Variants in RPRD1B observed in about 807,000 individuals in gnomAD.
The protein encoded by RPRD1B is regulation of nuclear pre-mRNA domain containing 1B.
Under a neutral mutation model 41.5 loss-of-function variants are expected in RPRD1B, and 11 were observed. The ratio of observed to expected loss-of-function variants is 0.27; its 90% CI spans 0.17 to 0.44. The LOEUF (loss-of-function observed/expected upper bound fraction) is 0.44, where lower values mean the gene tolerates loss of function less well. Among genes scored for constraint, RPRD1B ranks in the 20% least tolerant of loss-of-function variants. The probability of loss-of-function intolerance (pLI) is 1.00; values close to 1 mark genes in which losing one functional copy is unlikely to be tolerated. For synonymous variants in RPRD1B, 158 were observed against 155.6 expected (o/e 1.02, Z -0.12); for missense variants, 248 against 389.9 (o/e 0.64, Z 3.06).
intron 6 of RPRD1B, among the ~76,000 whole-genome samples, chr20:38,081,773 T>C (rs538752096): frequency 5.9e-5 from 9 of 152,338 alleles, no homozygotes; most frequent in African/African-American, 2.2e-4. Flanking sequence ...GGATGTTGAA[T>C]TGTATCGAAA....
At chr20:38,068,099 A>G (rs1366300669) in intron 6 of RPRD1B, among the ~76,000 whole-genome samples, 2 of 152,192 alleles carry the variant, frequency 1.3e-5, no homozygotes, top group Non-Finnish European at 2.9e-5. Flanking sequence ...TTGTAGAACT[A>G]GTGGTTTGCT....
At chr20:38,080,124 A>T (rs2074499893) in intron 6 of RPRD1B, among the ~76,000 whole-genome samples, 1 of 152,116 alleles carries the variant, frequency 6.6e-6, no homozygotes, top group Middle Eastern at 3.2e-3. Flanking sequence ...TAGGCCTTTG[A>T]TGGTGGCATA....
intron 6 of RPRD1B, 118 bp downstream of exon 6, chr20:38,066,374 G>A (rs913662070): frequency 6.2e-6 from 6 of 975,550 alleles, no homozygotes; most frequent in Non-Finnish European, 9.0e-6. Context: ...TTCATGATGT[G>A]AATTCTGAAC....
In RPRD1B at chr20:38,091,336, A is replaced by G. The variant is rs1421751696; in HGVS notation, c.*1461A>G. The G allele has an allele frequency of 2.0e-6, 2 of 985,578 alleles. No individual in the cohort carries two copies. The highest frequency in any genetic ancestry group is 2.4e-6 in the Non-Finnish European group (2 of 829,900). 61.1% of individuals were successfully genotyped at this position (985,578 alleles called of 1,614,324 possible). On this transcript the variant is annotated 3_prime_UTR_variant, in exon 7 of 7. Coordinates refer to ENST00000373433, the MANE Select transcript of RPRD1B (RefSeq NM_021215.4). ...TGTTAAACACATTGAAACATAACCT[A>G]TGTTTATAAAGCATAACGGGCTTCC...
Position 38,040,490 on chromosome 20 carries a change from C to T in RPRD1B, c.207C>T (p.Asn69=). Residue 69 remains asparagine, a synonymous_variant, in exon 2 of 7, where the codon AAC becomes AAT. Transcript: ENST00000373433. The stretch of plus-strand genomic sequence containing the variant: ...ATTTAGCGAATGATGTCATCCAAAA[C>T]AGTAAAAGGAAAGGACCTGAATTCA... The part of the protein sequence containing the change: ...FLYLANDVIQ[N]SKRKGPEFTR... The T allele has an allele frequency of 1.9e-6, 3 of 1,609,868 alleles. No individual in the cohort carries two copies. In the South Asian group the frequency reaches 3.3e-5, roughly 18 times the overall value.
At chr20:38,074,491 A>G (rs1293412730) in intron 6 of RPRD1B, among the ~76,000 whole-genome samples, 1 of 152,248 alleles carries the variant, frequency 6.6e-6, no homozygotes, top group Non-Finnish European at 1.5e-5. Context: ...TGAAAAAGTG[A>G]CACGGTTTTA....
intron 3 of RPRD1B, among the ~76,000 whole-genome samples, chr20:38,054,910 A>G (rs2074224040): frequency 1.3e-5 from 2 of 152,240 alleles, no homozygotes; most frequent in Non-Finnish European, 2.9e-5. Context: ...TGGGTCATAT[A>G]GCACACATTA....
intron 3 of RPRD1B, 37 bp downstream of exon 3, chr20:38,048,518 T>A: frequency 6.4e-7 from 1 of 1,554,592 alleles, no homozygotes; most frequent in South Asian, 1.2e-5. Context: ...CTCTTGGTCT[T>A]TGCCTACTTT....
At chr20:38,044,616 T>G (rs2074102742) in intron 2 of RPRD1B, among the ~76,000 whole-genome samples, 1 of 152,134 alleles carries the variant, frequency 6.6e-6, no homozygotes, top group Non-Finnish European at 1.5e-5. Context: ...CCTTGTGATC[T>G]GCCCGCCTTG....
chr20:38,049,911 A>G, intron 3 of RPRD1B: 1 of 461,548 alleles, frequency 2.2e-6, no homozygotes, highest in African/African-American at 2.0e-5. Context: ...CTTTGGCCAA[A>G]CTGAATTGCC....
intron 3 of RPRD1B, among the ~76,000 whole-genome samples, chr20:38,054,157 C>G (rs1277570653): frequency 2.6e-5 from 4 of 152,212 alleles, no homozygotes; most frequent in Middle Eastern, 3.4e-3. Context: ...AAACTGGGAC[C>G]TTGGGATAGA....
intron 6 of RPRD1B, among the ~76,000 whole-genome samples, chr20:38,085,000 A>G (rs1318138156): frequency 1.3e-5 from 2 of 152,186 alleles, no homozygotes; most frequent in African/African-American, 4.8e-5. Context: ...CTTCTGGGCT[A>G]GGGCAGGTTT....
At chr20:38,054,560 G>A (rs979482012) in intron 3 of RPRD1B, among the ~76,000 whole-genome samples, 1 of 152,174 alleles carries the variant, frequency 6.6e-6, no homozygotes, top group Non-Finnish European at 1.5e-5. Flanking sequence ...ACTGCAACCT[G>A]TGGACTTAGA....
chr20:38,068,068 G>T (rs900662083), intron 6 of RPRD1B, among the ~76,000 whole-genome samples: 19 of 152,204 alleles, frequency 1.2e-4, no homozygotes, highest in African/African-American at 4.3e-4. Context: ...TCTGTATATT[G>T]TTGGGGAATC....
chr20:38,071,189 A>G (rs1353868414), intron 6 of RPRD1B, among the ~76,000 whole-genome samples: 1 of 152,246 alleles, frequency 6.6e-6, no homozygotes, highest in African/African-American at 2.4e-5. Flanking sequence ...TCCAAGCTGC[A>G]GATTTATTGT....
At chr20:38,054,470 T>C (rs2061208349) in intron 3 of RPRD1B, among the ~76,000 whole-genome samples, 1 of 152,184 alleles carries the variant, frequency 6.6e-6, no homozygotes, top group Non-Finnish European at 1.5e-5. Context: ...CAGTGTGAAG[T>C]GGTAAAGATA....
At chr20:38,040,354 T>TA in intron 1 of RPRD1B, 81 bp from the exon 2 acceptor site, 1 of 1,196,336 alleles carries the variant, frequency 8.4e-7, no homozygotes, top group Non-Finnish European at 1.1e-6. Context: ...AATGTTTTTT[T>TA]AGGAGCAGCC....
intron 5 of RPRD1B, among the ~76,000 whole-genome samples, chr20:38,061,490 C>T (rs2074297098): frequency 6.6e-6 from 1 of 152,200 alleles, no homozygotes; most frequent in Admixed American, 6.5e-5. Context: ...CTAGCCAAGG[C>T]CATTGCTCCA....
intron 5 of RPRD1B, among the ~76,000 whole-genome samples, chr20:38,059,787 CAT>C (rs1362523585): frequency 6.6e-6 from 1 of 152,156 alleles, no homozygotes; most frequent in Non-Finnish European, 1.5e-5. Flanking sequence ...CTGTTAAAAA[CAT>C]AGTACAAATT....
Sources: allele counts gnomAD v4.1 joint callset (sites outside exome capture counted in the v4.1 genomes callset), GRCh38; gene constraint gnomAD v4.1.1; transcripts MANE v1.5; gene names NCBI Gene and HGNC (gene_info 2026-07-23, HGNC 2026-07-21).